ATRNL1: variants seen among roughly 807,000 people sequenced by gnomAD.
ATRNL1 encodes the protein attractin-like protein 1.
In ATRNL1, 95 loss-of-function variants were observed where a neutral mutation model predicts 182.7. The observed-to-expected ratio is 0.52, with a 90% CI of 0.44 to 0.62. The LOEUF (loss-of-function observed/expected upper bound fraction) is 0.62. Among genes scored for constraint, ATRNL1 ranks in the 20% least tolerant of loss-of-function variants. The pLI, the probability that ATRNL1 is intolerant of heterozygous loss-of-function variation, is 0.00. For missense variants in ATRNL1, 1,471 were observed against 1,679.5 expected (o/e 0.88, Z 2.17); for synonymous variants, 576 against 568.3 (o/e 1.01, Z -0.19).
intron 13 of ATRNL1, among the ~76,000 whole-genome samples, chr10:115,277,949 A>C (rs1463436803): frequency 6.6e-6 from 1 of 152,208 alleles, no homozygotes; most frequent in African/African-American, 2.4e-5. Flanking sequence ...AAGAAATCTC[A>C]ATCAACCAGA....
intron 26 of ATRNL1, among the ~76,000 whole-genome samples, chr10:115,636,473 T>C (rs965050685): frequency 6.6e-6 from 1 of 152,178 alleles, no homozygotes; most frequent in African/African-American, 2.4e-5. Context: ...TAAACCATCA[T>C]TGGAACCACA....
At chr10:115,844,327 G>A (rs1413679294) in intron 27 of ATRNL1, among the ~76,000 whole-genome samples, 1 of 152,028 alleles carries the variant, frequency 6.6e-6, no homozygotes, top group Non-Finnish European at 1.5e-5. Flanking sequence ...ATTGGAGAGG[G>A]CCAGTGGAAG....
chr10:115,815,595 A>G (rs1002642390), intron 27 of ATRNL1, among the ~76,000 whole-genome samples: 1 of 152,118 alleles, frequency 6.6e-6, no homozygotes, highest in Non-Finnish European at 1.5e-5. Context: ...CTTTAGGTCA[A>G]TGTTAGTGGA....
At chr10:115,184,860 T>C (rs868937428) in intron 8 of ATRNL1, among the ~76,000 whole-genome samples, 2 of 152,070 alleles carry the variant, frequency 1.3e-5, no homozygotes, top group Middle Eastern at 6.8e-3. Context: ...TTGAACACAG[T>C]ATTTGACTAT....
intron 22 of ATRNL1, among the ~76,000 whole-genome samples, chr10:115,463,013 A>G (rs1281268295): frequency 6.6e-6 from 1 of 151,784 alleles, no homozygotes; most frequent in South Asian, 2.1e-4. Flanking sequence ...ATTTGAAATG[A>G]AGTTATGTTA....
Position 115,924,262 on chromosome 10 carries a change from A to G in ATRNL1, c.4019-20396A>G, listed in dbSNP as rs1953152840. Among the ~76,000 whole-genome samples the G allele has an allele frequency of 2.0e-5, 3 of 151,970 alleles. No homozygotes were observed. The South Asian group carries it at 6.2e-4, about 32-fold the overall frequency. On this transcript the variant is annotated intron_variant, in intron 28 of 28. Transcript: ENST00000355044. ...AAGCTCTTTAGTTTAATAAGATCCC[A>G]TTTGTCAATTTTGGCTTTTGTTACA...
chr10:115,749,358 C>T (rs1593165337), intron 27 of ATRNL1, among the ~76,000 whole-genome samples: 2 of 151,848 alleles, frequency 1.3e-5, no homozygotes, highest in East Asian at 1.9e-4. Flanking sequence ...TCCTGTTAAT[C>T]GTACTTAGAA....
intron 25 of ATRNL1, among the ~76,000 whole-genome samples, chr10:115,528,657 C>T (rs1433951444): frequency 2.0e-5 from 3 of 151,536 alleles, no homozygotes; most frequent in Non-Finnish European, 4.4e-5. Context: ...TTTATAATTT[C>T]CTTCATTCTG....
intron 20 of ATRNL1, among the ~76,000 whole-genome samples, chr10:115,402,996 C>G (rs1030334261): frequency 2.0e-5 from 3 of 152,110 alleles, no homozygotes; most frequent in African/African-American, 7.2e-5. Flanking sequence ...TCTTCCTGAA[C>G]ATTTTTTTTC....
chr10:115,736,729 G>A (rs1947961595), intron 27 of ATRNL1, among the ~76,000 whole-genome samples: 2 of 152,042 alleles, frequency 1.3e-5, no homozygotes, highest in African/African-American at 4.8e-5. Flanking sequence ...CAGGGTCTCT[G>A]GAATAGTGCA....
intron 8 of ATRNL1, among the ~76,000 whole-genome samples, chr10:115,209,166 G>A (rs1180942312): frequency 6.6e-6 from 1 of 151,610 alleles, no homozygotes; most frequent in Non-Finnish European, 1.5e-5. Context: ...ACAGATGTTG[G>A]ATAACAAGCA....
At chr10:115,363,016 A>G (rs1397441817) in intron 19 of ATRNL1, among the ~76,000 whole-genome samples, 1 of 152,040 alleles carries the variant, frequency 6.6e-6, no homozygotes, top group Non-Finnish European at 1.5e-5. Context: ...CATGATTTAC[A>G]GTCCTTTGGG....
intron 26 of ATRNL1, among the ~76,000 whole-genome samples, chr10:115,567,446 T>C (rs570338695): frequency 6.6e-6 from 1 of 152,244 alleles, no homozygotes; most frequent in Non-Finnish European, 1.5e-5. Flanking sequence ...TAATGAAAAC[T>C]TTTCCATTTA....
intron 28 of ATRNL1, among the ~76,000 whole-genome samples, chr10:115,849,166 A>G (rs75414123): frequency 2.8e-4 from 42 of 152,326 alleles, no homozygotes; most frequent in African/African-American, 9.4e-4. Flanking sequence ...AGAAATTTCT[A>G]TCCAAAGTTC....
intron 26 of ATRNL1, among the ~76,000 whole-genome samples, chr10:115,590,370 C>T (rs895666647): frequency 2.6e-5 from 4 of 152,062 alleles, no homozygotes; most frequent in African/African-American, 9.7e-5. Flanking sequence ...TGCTTTCTTT[C>T]TGTGTATTAA....
intron 5 of ATRNL1, among the ~76,000 whole-genome samples, chr10:115,131,960 T>C (rs1845257937): frequency 1.3e-5 from 2 of 152,190 alleles, no homozygotes; most frequent in Non-Finnish European, 2.9e-5. Context: ...CTTTAAGTTC[T>C]AGGGCACATG....
intron 9 of ATRNL1, among the ~76,000 whole-genome samples, chr10:115,232,445 T>C (rs1554900216): frequency 6.6e-6 from 1 of 152,228 alleles, no homozygotes; most frequent in African/African-American, 2.4e-5. Flanking sequence ...GTACCCTTTT[T>C]TGATAATAAT....
intron 6 of ATRNL1, among the ~76,000 whole-genome samples, chr10:115,160,480 G>A (rs552314828): frequency 6.6e-6 from 1 of 151,258 alleles, no homozygotes; most frequent in Non-Finnish European, 1.5e-5. Context: ...TCAAATACAG[G>A]CAGGCCTTTG....
intron 26 of ATRNL1, among the ~76,000 whole-genome samples, chr10:115,587,224 C>T (rs1051901838): frequency 1.3e-5 from 2 of 151,890 alleles, no homozygotes; most frequent in Non-Finnish European, 2.9e-5. Flanking sequence ...TGTGCCCTGC[C>T]CCCAGAGGTG....
Sources: allele counts gnomAD v4.1 joint callset (sites outside exome capture counted in the v4.1 genomes callset), GRCh38; gene constraint gnomAD v4.1.1; transcripts MANE v1.5; gene names NCBI Gene and HGNC (gene_info 2026-07-23, HGNC 2026-07-21).